PUS10: variants seen among roughly 807,000 people sequenced by gnomAD.
PUS10 encodes the protein tRNA pseudouridine synthase Pus10.
A neutral mutation model predicts 75.0 loss-of-function variants in PUS10; 59 were observed. The observed-to-expected ratio is 0.79, with a 90% CI of 0.64 to 0.98. The LOEUF (loss-of-function observed/expected upper bound fraction) is 0.98. Ranked by LOEUF, PUS10 falls within the 50% of genes least tolerant of loss-of-function variation. The pLI, the probability that PUS10 is intolerant of heterozygous loss-of-function variation, is 0.00. For synonymous variants in PUS10, 219 were observed against 211.6 expected, an observed-to-expected ratio of 1.03 and a Z score of -0.30; for missense variants, 650 against 614.4, an observed-to-expected ratio of 1.06 and a Z score of -0.61.
chr2:60,962,375 C>T (rs1341132622), intron 9 of PUS10, among the ~76,000 whole-genome samples: 1 of 152,152 alleles, frequency 6.6e-6, no homozygotes, highest in Non-Finnish European at 1.5e-5. Flanking sequence ...AGTTCAAGAC[C>T]AGCCTGGCCA....
At chr2:60,962,798 G>A in intron 9 of PUS10, 28 bp downstream of exon 9, 1 of 1,572,394 alleles carries the variant, frequency 6.4e-7, no homozygotes, top group Non-Finnish European at 8.6e-7. Context: ...ATTTCACGAT[G>A]CTTCTTTGTT....
In PUS10 at chr2:60,996,170, G is replaced by A. The variant is rs577481213; in HGVS notation, c.468+10387C>T. On this transcript the variant is annotated intron_variant, in intron 4 of 17. Coordinates refer to ENST00000316752, the MANE Select transcript of PUS10 (RefSeq NM_144709.4). ...CCTTGCTGCATGCCACAGTGACCTC[G>A]GGGACTGGGTGCTTTATCTGTTGGG... 2.6e-5 allele frequency among the ~76,000 whole-genome samples: 4 copies of A among 152,274 alleles called. No homozygotes were observed. The South Asian group carries it at 6.2e-4, about 24-fold the overall frequency.
At chr2:60,980,960 C>T (rs1000693815) in intron 4 of PUS10, among the ~76,000 whole-genome samples, 1 of 152,120 alleles carries the variant, frequency 6.6e-6, no homozygotes, top group African/African-American at 2.4e-5. Context: ...GACACAATCT[C>T]GTCTCACTGC....
At chr2:60,983,784 T>A (rs1203113927) in intron 4 of PUS10, among the ~76,000 whole-genome samples, 1 of 152,026 alleles carries the variant, frequency 6.6e-6, no homozygotes, top group Non-Finnish European at 1.5e-5. Context: ...TATATATTTT[T>A]AAAATAGTAA....
Position 60,965,051 on chromosome 2 carries a change from T to C in PUS10, c.723+7A>G, listed in dbSNP as rs531515368. 6.2e-7 allele frequency: 1 copy of C among 1,613,542 alleles called. No homozygotes were observed. Among genetic ancestry groups the C allele is most frequent in the African/African-American group, 1.3e-5 (1 of 75,028 alleles). Reference sequence around the variant, plus strand: ...CTCAAGACTAAGAAGCGGGAACCTTTCCTTACCTGTTTGTTTTTGGCTGGC... The same window carrying C: ...CTCAAGACTAAGAAGCGGGAACCTTCCCTTACCTGTTTGTTTTTGGCTGGC... On this transcript the variant is annotated splice_region_variant and intron_variant, in intron 8 of 17. Coordinates refer to ENST00000316752, the MANE Select transcript of PUS10 (RefSeq NM_144709.4).
chr2:60,951,614 C>T (rs1675344484), intron 15 of PUS10, among the ~76,000 whole-genome samples: 1 of 152,144 alleles, frequency 6.6e-6, no homozygotes, highest in Non-Finnish European at 1.5e-5. Context: ...ACTGAGGGAA[C>T]AGAAGACAGA....
intron 4 of PUS10, among the ~76,000 whole-genome samples, chr2:60,987,583 G>A (rs1282464244): frequency 6.6e-6 from 1 of 152,168 alleles, no homozygotes; most frequent in Non-Finnish European, 1.5e-5. Context: ...GCAATGTGAT[G>A]AGCTATTCAT....
intron 16 of PUS10, among the ~76,000 whole-genome samples, chr2:60,946,776 G>GT (rs1339681243): frequency 5.3e-5 from 8 of 151,994 alleles, no homozygotes; most frequent in African/African-American, 1.9e-4. Context: ...CAGCAATATA[G>GT]TAAGAATGGT....
In PUS10 at chr2:60,940,606, T is replaced by C. The variant is rs1674580339; in HGVS notation, c.*1789A>G. ...GTGAAATTTTATATAATCTCAGGAA[T>C]AGAAATTTAAGAAATAGAAATCTTC... On this transcript the variant is annotated 3_prime_UTR_variant, in exon 18 of 18. Coordinates refer to ENST00000316752, the MANE Select transcript of PUS10 (RefSeq NM_144709.4). The C allele has an allele frequency of 6.6e-6, 1 of 152,330 alleles. No homozygotes were observed. The highest frequency in any genetic ancestry group is 1.5e-5 in the Non-Finnish European group (1 of 68,006). The allele number at this position is 152,330 out of a possible 1,614,324, so 9.4% of individuals were successfully genotyped here.
chr2:60,957,578 C>A (rs13383715), intron 11 of PUS10, among the ~76,000 whole-genome samples: 1 of 152,248 alleles, frequency 6.6e-6, no homozygotes, highest in Non-Finnish European at 1.5e-5. Flanking sequence ...ATGGGTCTCA[C>A]GGGAGATTAA....
At chr2:61,000,479 A>G (rs1393371147) in intron 4 of PUS10, among the ~76,000 whole-genome samples, 1 of 152,220 alleles carries the variant, frequency 6.6e-6, no homozygotes, top group Non-Finnish European at 1.5e-5. Context: ...ACTGGCTTAA[A>G]ATCAAGGTGC....
At chr2:61,009,903 T>C (rs77532379) in intron 2 of PUS10, 11 of 152,290 alleles carry the variant, frequency 7.2e-5, no homozygotes, top group Non-Finnish European at 1.6e-4. Context: ...CAGAGAAATA[T>C]ACATACATAC....
chr2:60,998,510 G>A (rs757897355), intron 4 of PUS10, among the ~76,000 whole-genome samples: 5 of 152,030 alleles, frequency 3.3e-5, no homozygotes, highest in Non-Finnish European at 5.9e-5. Context: ...CCAACATGGC[G>A]AAACCCCGTC....
At chr2:61,013,022 G>A (rs1447870018) in intron 1 of PUS10, among the ~76,000 whole-genome samples, 1 of 150,728 alleles carries the variant, frequency 6.6e-6, no homozygotes, top group Non-Finnish European at 1.5e-5. Context: ...GGCCGAAGTA[G>A]GAGGTTCACT....
rs369180146 is a variant in PUS10 at position 60,941,977 on chromosome 2, A to C, written c.*418T>G. 4.0e-4 allele frequency: 64 copies of C among 159,724 alleles called. 1 individual carries two copies. The South Asian group carries it at 0.011, about 27-fold the overall frequency. The allele number at this position is 159,724 out of a possible 1,614,324, so 9.9% of individuals were successfully genotyped here. ...TATTATGCTGCATAAATCTAGATAT[A>C]ACTTTTATTCAGATAATTTACAAAA... On this transcript the variant is annotated 3_prime_UTR_variant, in exon 18 of 18. Coordinates refer to ENST00000316752, the MANE Select transcript of PUS10 (RefSeq NM_144709.4).
At chr2:61,003,963 C>G (rs1424987303) in intron 4 of PUS10, among the ~76,000 whole-genome samples, 2 of 152,180 alleles carry the variant, frequency 1.3e-5, no homozygotes, top group Non-Finnish European at 2.9e-5. Context: ...TGATAATCTA[C>G]TTCTTAGAAG....
intron 5 of PUS10, among the ~76,000 whole-genome samples, chr2:60,968,027 C>G (rs1676446424): frequency 6.6e-6 from 1 of 152,116 alleles, no homozygotes; most frequent in South Asian, 2.1e-4. Context: ...CTTTTCCCCT[C>G]TTGTTGAAAA....
At chr2:60,977,821 T>C (rs1301155268) in intron 4 of PUS10, among the ~76,000 whole-genome samples, 1 of 152,162 alleles carries the variant, frequency 6.6e-6, no homozygotes, top group African/African-American at 2.4e-5. Flanking sequence ...GTGGCTTCTC[T>C]CTCTGGGTTT....
At chr2:61,017,819 CGGACCGGGACCA>C (rs1215796582) in intron 1 of PUS10, 177 bp downstream of exon 1, 9 of 1,550,434 alleles carry the variant, frequency 5.8e-6, no homozygotes, top group East Asian at 4.9e-5. Flanking sequence ...TTCCGGGAGC[CGGACCGGGACCA>C]GGACCGGGCC....
Sources: gnomAD v4.1 joint callset for allele counts (sites outside exome capture counted in the v4.1 genomes callset) on GRCh38, gnomAD v4.1.1 for gene constraint, MANE v1.5 for transcripts, NCBI Gene and HGNC (gene_info 2026-07-23, HGNC 2026-07-21) for gene names.